Variants in CPS1 observed in about 807,000 individuals in gnomAD.
CPS1 encodes carbamoyl-phosphate synthase [ammonia], mitochondrial.
In CPS1, 109 loss-of-function variants were observed where a neutral mutation model predicts 174.6. The ratio of observed to expected loss-of-function variants is 0.62; its 90% CI spans 0.53 to 0.73. The LOEUF (loss-of-function observed/expected upper bound fraction) is 0.73. CPS1 is among the 30% of genes least tolerant of loss of function. The pLI is 0.00. For synonymous variants in CPS1, 637 were observed against 632.0 expected (o/e 1.01, Z -0.12); for missense variants, 1,689 against 1,821.9 (o/e 0.93, Z 1.33).
At position 210,523,058 on chromosome 2, in the gene CPS1, G is replaced by A. The variant is rs1045488508; in HGVS notation, c.4-33661G>A. Among the ~76,000 whole-genome samples, 3 of 152,008 alleles carry A rather than the reference G, an allele frequency of 2.0e-5. No homozygotes were observed. The East Asian group carries it at 5.8e-4, about 30-fold the overall frequency. On this transcript the variant is annotated intron_variant, in intron 1 of 38. Coordinates refer to the CPS1 transcript ENST00000430249. ...ACTGAATTAGAAAATGGGAGATCCA[G>A]GGTAAAGTCCTGGCCCTAACACTAA...
chr2:210,525,948 C>T (rs566261744), intron 1 of CPS1, among the ~76,000 whole-genome samples: 30 of 151,826 alleles, frequency 2.0e-4, no homozygotes, highest in African/African-American at 5.3e-4. Flanking sequence ...CAAGAAAATG[C>T]AAGCAGTCCC....
chr2:210,647,942 A>G lies in CPS1; in HGVS notation c.3221A>G (p.Lys1074Arg), dbSNP rs1431941956. 6.2e-7 allele frequency: 1 copy of G among 1,614,106 alleles called. No homozygotes were observed. Among genetic ancestry groups the G allele is most frequent in the African/African-American group, 1.3e-5 (1 of 75,056 alleles). The change falls in exon 26 of 38, where the codon AAG (lysine) becomes AGG (arginine). Residue 1074 changes from lysine to arginine, a missense_variant. By Grantham distance (26) the Lys-to-Arg change is conservative. Coordinates refer to ENST00000233072, the MANE Select transcript of CPS1 (RefSeq NM_001875.5). ...LAVPLYKNGV[K>R]IMGTSPLQID... ...GTTCCTCTATACAAGAATGGTGTCA[A>G]GATCATGGGCACAAGCCCCCTGCAG...
intron 31 of CPS1, among the ~76,000 whole-genome samples, chr2:210,659,116 C>T (rs1342694136): frequency 2.0e-5 from 3 of 152,210 alleles, no homozygotes; most frequent in Admixed American, 1.3e-4. Flanking sequence ...ATTTAGTCTA[C>T]TTAGTTTAAC....
At chr2:210,619,496 A>G (rs1699431941) in intron 21 of CPS1, 1 of 152,078 alleles carries the variant, frequency 6.6e-6, no homozygotes, top group Non-Finnish European at 1.5e-5. Context: ...ATATATTATG[A>G]TTTTAGATAT....
intron 31 of CPS1, 114 bp downstream of exon 31, chr2:210,658,802 T>C: frequency 1.3e-6 from 1 of 761,514 alleles, no homozygotes; most frequent in Non-Finnish European, 2.3e-6. Context: ...CTGAGACCCC[T>C]GGATCTGTTT....
intron 1 of CPS1, among the ~76,000 whole-genome samples, chr2:210,505,963 A>AG (rs143281296): frequency 1 from 152,288 of 152,292 alleles, 76,142 homozygotes; most frequent in Non-Finnish European, 1. Context: ...CTCTGGGGGC[A>AG]GGCATAGCCA....
chr2:210,603,830 C>G (rs1456081688), intron 16 of CPS1, among the ~76,000 whole-genome samples: 2 of 151,754 alleles, frequency 1.3e-5, no homozygotes, highest in African/African-American at 4.8e-5. Flanking sequence ...ATCCCCTATT[C>G]TCTTGAGGTT....
intron 25 of CPS1, among the ~76,000 whole-genome samples, chr2:210,646,192 G>T (rs1700372963): frequency 6.6e-6 from 1 of 151,986 alleles, no homozygotes; most frequent in African/African-American, 2.4e-5. Context: ...GATTTTTTGT[G>T]TCCATTTAAT....
At chr2:210,611,476 T>A (rs1699118691) in intron 19 of CPS1, among the ~76,000 whole-genome samples, 1 of 151,974 alleles carries the variant, frequency 6.6e-6, no homozygotes, top group Admixed American at 6.6e-5. Flanking sequence ...TTGTCCAAAC[T>A]AAATCACCAC....
chr2:210,503,442 T>A (rs988658449), intron 1 of CPS1, among the ~76,000 whole-genome samples: 2 of 152,144 alleles, frequency 1.3e-5, no homozygotes, highest in Non-Finnish European at 2.9e-5. Flanking sequence ...AAATATTAGT[T>A]CACATTTTTC....
intron 1 of CPS1, chr2:210,477,863 A>C: frequency 7.2e-7 from 1 of 1,379,610 alleles, no homozygotes; most frequent in Non-Finnish European, 1.0e-6. Flanking sequence ...CATTTTATCA[A>C]TTATTTTTTC....
intron 9 of CPS1, 93 bp downstream of exon 9, chr2:210,590,999 A>G (rs1038817529): frequency 5.3e-6 from 4 of 761,548 alleles, no homozygotes; most frequent in Middle Eastern, 3.0e-4. Flanking sequence ...ATTTCTTTAG[A>G]GTAAATAAAT....
intron 1 of CPS1, among the ~76,000 whole-genome samples, chr2:210,485,236 A>G (rs1694683283): frequency 7.0e-6 from 1 of 142,658 alleles, no homozygotes; most frequent in Admixed American, 7.1e-5. Flanking sequence ...CATCTCAAAA[A>G]AAAAAAAAAT....
In CPS1 at chr2:210,590,154, A is replaced by G. The variant is rs1357437348; in HGVS notation, c.760A>G (p.Met254Val). The G allele has an allele frequency of 5.0e-6, 8 of 1,612,898 alleles. No homozygotes were observed. Among genetic ancestry groups the G allele is most frequent in the Non-Finnish European group, 6.8e-6 (8 of 1,179,168 alleles). The change falls in exon 8 of 38, where the codon ATG (methionine) becomes GTG (valine). Residue 254 changes from methionine (M) to valine (V), a missense_variant. Met to Val is a conservative substitution (Grantham distance 21). Transcript: ENST00000233072. ...TCCCTGGAACCATGATTTCACCAAG[A>G]TGGAGTATGATGGGATTTTGATCGC... ...LVPWNHDFTK[M>V]EYDGILIAGG...
In CPS1 at chr2:210,604,959, G is replaced by A; in HGVS notation, c.1837-143G>A. The A allele has an allele frequency of 5.0e-6, 4 of 800,230 alleles. No homozygotes were observed. In the South Asian group the frequency reaches 6.3e-5, roughly 13 times the overall value. The allele number at this position is 800,230 out of a possible 1,614,324, so 49.6% of individuals were successfully genotyped here. A position where few individuals can be genotyped will look rare whatever the true frequency, so the allele number is the denominator to read the frequency against. ...TACCTCACTGATTTTCTGACACATT[G>A]TGCCTTCTGTGCAGGGGAGAATGGA... On this transcript the variant is annotated intron_variant, in intron 16 of 37. Transcript: ENST00000233072.
At chr2:210,657,420 C>CCTGCCT (rs1173067773) in intron 30 of CPS1, 3 of 151,938 alleles carry the variant, frequency 2.0e-5, no homozygotes, top group African/African-American at 7.3e-5. Flanking sequence ...ACGCCATTCT[C>CCTGCCT]CTGCCTCAGC....
At position 210,605,138 on chromosome 2, in the gene CPS1, T is replaced by A. The variant is rs752522901; in HGVS notation, c.1873T>A (p.Ser625Thr). Reference sequence around the variant, plus strand: ...GACCAACCAAATTCTGGTGGAGAAGTCAGTGACAGGTTGGAAAGAAATAGA... The same window carrying A: ...GACCAACCAAATTCTGGTGGAGAAGACAGTGACAGGTTGGAAAGAAATAGA... Reference protein sequence around the residue: ...AMTNQILVEKSVTGWKEIEYE... With the variant: ...AMTNQILVEKTVTGWKEIEYE... Residue 625 changes from serine (S) to threonine (T), a missense_variant, in exon 17 of 38, where the codon TCA becomes ACA. Coordinates refer to ENST00000233072, the MANE Select transcript of CPS1 (RefSeq NM_001875.5). The A allele has an allele frequency of 2.5e-6, 4 of 1,611,940 alleles. No individual in the cohort carries two copies. Among genetic ancestry groups the A allele is most frequent in the African/African-American group, 2.7e-5 (2 of 74,744 alleles).
chr2:210,519,745 C>A (rs1215243544), intron 1 of CPS1: 3 of 985,010 alleles, frequency 3.0e-6, no homozygotes, highest in Non-Finnish European at 3.6e-6. Flanking sequence ...TATGAGGGAG[C>A]AGTGAAGTTT....
chr2:210,494,641 A>T (rs959732072), intron 1 of CPS1, among the ~76,000 whole-genome samples: 11 of 151,096 alleles, frequency 7.3e-5, no homozygotes, highest in African/African-American at 2.7e-4. Context: ...AAAAAATAGT[A>T]AAAAAAATAC....
Sources: gnomAD v4.1 joint callset for allele counts (sites outside exome capture counted in the v4.1 genomes callset) on GRCh38, gnomAD v4.1.1 for gene constraint, MANE v1.5 for transcripts, NCBI Gene and HGNC (gene_info 2026-07-23, HGNC 2026-07-21) for gene names.